SSPN: variants seen among roughly 807,000 people sequenced by gnomAD.
SSPN encodes K-ras oncogene-associated protein.
Under a neutral mutation model 19.1 loss-of-function variants are expected in SSPN, and 15 were observed. The ratio of observed to expected loss-of-function variants is 0.78; its 90% CI spans 0.52 to 1.21. SSPN has a LOEUF of 1.21. Ranked by LOEUF, SSPN falls within the 50% of genes most tolerant of loss-of-function variation. The pLI, the probability that SSPN is intolerant of heterozygous loss-of-function variation, is 0.00. For synonymous variants in SSPN, 147 were observed against 140.3 expected, an observed-to-expected ratio of 1.05 and a Z score of -0.34; for missense variants, 291 against 314.0, an observed-to-expected ratio of 0.93 and a Z score of 0.55.
chr12:26,127,555 T>C (rs1342985527), intron 1 of SSPN, among the ~76,000 whole-genome samples: 4 of 152,196 alleles, frequency 2.6e-5, no homozygotes, highest in Non-Finnish European at 5.9e-5. Flanking sequence ...TCCTTTGTTG[T>C]TCTTGATCCC....
intron 1 of SSPN, among the ~76,000 whole-genome samples, chr12:26,209,823 TGTGTG>T (rs1944966489): frequency 6.6e-6 from 1 of 151,112 alleles, no homozygotes; most frequent in African/African-American, 2.5e-5. Flanking sequence ...TGTGTGTGTG[TGTGTG>T]TGTGTGTGTG....
intron 1 of SSPN, among the ~76,000 whole-genome samples, chr12:26,166,586 T>G (rs1429510184): frequency 6.6e-6 from 1 of 152,362 alleles, no homozygotes; most frequent in South Asian, 2.1e-4. Context: ...CGTTTTTAAA[T>G]GGTTGAAATA....
intron 1 of SSPN, chr12:26,124,195 T>A (rs763235651): frequency 1.3e-6 from 2 of 1,517,080 alleles, no homozygotes; most frequent in Non-Finnish European, 1.8e-6. Context: ...TATATGAGAG[T>A]CATGGAAAAG....
chr12:26,142,334 T>C (rs972589578), intron 1 of SSPN, among the ~76,000 whole-genome samples: 3 of 152,086 alleles, frequency 2.0e-5, no homozygotes, highest in African/African-American at 7.2e-5. Context: ...ATTTTCAAGA[T>C]GAAAGGTTGT....
At chr12:26,160,353 T>A (rs1006277476) in intron 1 of SSPN, among the ~76,000 whole-genome samples, 5 of 152,282 alleles carry the variant, frequency 3.3e-5, no homozygotes, top group African/African-American at 1.2e-4. Flanking sequence ...TGCTCTTAAA[T>A]GGGCTTCCAA....
intron 1 of SSPN, among the ~76,000 whole-genome samples, chr12:26,171,608 T>C (rs1944653814): frequency 7.8e-6 from 1 of 128,024 alleles, no homozygotes; most frequent in African/African-American, 3.5e-5. Flanking sequence ...TTTAGAATAA[T>C]GCCCCTGTTT....
At chr12:26,152,878 A>G (rs1229635326) in intron 1 of SSPN, among the ~76,000 whole-genome samples, 2 of 152,084 alleles carry the variant, frequency 1.3e-5, no homozygotes, top group African/African-American at 2.4e-5. Context: ...TTCCAACTTC[A>G]TCTTGCCATT....
In SSPN at chr12:26,165,548, C is replaced by T. The variant is rs190545976; in HGVS notation, c.-31+43396C>T. 1.1e-3 allele frequency among the ~76,000 whole-genome samples: 160 copies of T among 152,290 alleles called. 1 individual carries two copies. Among genetic ancestry groups the T allele is most frequent in the East Asian group, 1.4e-3 (7 of 5,184 alleles). On this transcript the variant is annotated intron_variant, in intron 1 of 2. Coordinates refer to the SSPN transcript ENST00000538142. The stretch of plus-strand genomic sequence containing the variant: ...GTTCAGTAATGAGTGGGATTAATTG[C>T]TATTGTGCCTCACACAGTGGCATGC...
Position 26,230,794 on chromosome 12 carries a change from C to T in SSPN, c.450C>T (p.Leu150=). The change falls in exon 3 of 3, where the codon CTC becomes CTT. Residue 150 remains leucine, a synonymous_variant. Coordinates refer to ENST00000242729, the MANE Select transcript of SSPN (RefSeq NM_005086.5). ...TTGCCGCCCACCACTATTCGCAGCT[C>T]ACACAGTTTACCTGTGAGACCACAC... ...VAFAAHHYSQ[L]TQFTCETTLD... is the part of the protein sequence containing the mutation. 1 of 1,614,260 alleles carries T rather than the reference C, an allele frequency of 6.2e-7. No individual in the cohort carries two copies. The highest frequency in any genetic ancestry group is 8.5e-7 in the Non-Finnish European group (1 of 1,180,052).
chr12:26,219,375 C>T (rs1691136574), intron 1 of SSPN, among the ~76,000 whole-genome samples: 1 of 152,118 alleles, frequency 6.6e-6, no homozygotes, highest in African/African-American at 2.4e-5. Flanking sequence ...CCAGTATCTA[C>T]CTTTTATTCA....
chr12:26,164,047 G>A (rs1944605905), intron 1 of SSPN, among the ~76,000 whole-genome samples: 1 of 152,312 alleles, frequency 6.6e-6, no homozygotes, highest in Non-Finnish European at 1.5e-5. Context: ...GCACATTAAT[G>A]TAGTTAATCT....
chr12:26,171,965 C>T lies in SSPN; in HGVS notation c.-31+49813C>T, dbSNP rs1036422063. Among the ~76,000 whole-genome samples, 8 of 152,334 alleles carry T rather than the reference C, an allele frequency of 5.3e-5. No individual in the cohort carries two copies. The South Asian group carries it at 6.2e-4, about 12-fold the overall frequency. ...AAACATGCCAACCTTAATTTTCTCA[C>T]TGATAGCAGTGAGAGGATAGTAGCA... On this transcript the variant is annotated intron_variant, in intron 1 of 2. Transcript: ENST00000538142.
At chr12:26,137,611 CAT>C (rs1390211807) in intron 1 of SSPN, among the ~76,000 whole-genome samples, 4 of 114,964 alleles carry the variant, frequency 3.5e-5, no homozygotes, top group East Asian at 5.2e-4. Flanking sequence ...TACACATATA[CAT>C]ATATATGTGT....
chr12:26,204,982 G>A (rs1335337455), intron 1 of SSPN, among the ~76,000 whole-genome samples: 2 of 152,146 alleles, frequency 1.3e-5, no homozygotes, highest in East Asian at 1.9e-4. Context: ...CTAGAGCCAC[G>A]GTCCCTAATT....
chr12:26,137,600 A>T (rs1944432988), intron 1 of SSPN, among the ~76,000 whole-genome samples: 1 of 144,916 alleles, frequency 6.9e-6, no homozygotes, highest in African/African-American at 2.6e-5. Context: ...GAATATATAT[A>T]TACACATATA....
At chr12:26,123,288 T>TGGGG in intron 1 of SSPN, 22 of 1,310,612 alleles carry the variant, frequency 1.7e-5, no homozygotes, top group Admixed American at 2.8e-5. Context: ...TCTCGGTTTT[T>TGGGG]CCCCAGTATT....
intron 1 of SSPN, among the ~76,000 whole-genome samples, chr12:26,141,989 C>T (rs1019547243): frequency 1.3e-5 from 2 of 152,102 alleles, no homozygotes; most frequent in African/African-American, 2.4e-5. Flanking sequence ...TTGGGCACAA[C>T]CTTGAAGAGA....
intron 1 of SSPN, among the ~76,000 whole-genome samples, chr12:26,163,088 G>A (rs914611366): frequency 3.3e-5 from 5 of 150,398 alleles, no homozygotes; most frequent in Admixed American, 2.7e-4. Flanking sequence ...TGCTAATGAA[G>A]AGAACAAGAA....
intron 1 of SSPN, chr12:26,123,720 C>T (rs769121700): frequency 6.2e-7 from 1 of 1,613,906 alleles, no homozygotes; most frequent in Admixed American, 1.7e-5. Flanking sequence ...AAGACTACAG[C>T]TTTCTCCAGA....
Sources: allele counts gnomAD v4.1 joint callset (sites outside exome capture counted in the v4.1 genomes callset), GRCh38; gene constraint gnomAD v4.1.1; transcripts MANE v1.5; gene names NCBI Gene and HGNC (gene_info 2026-07-23, HGNC 2026-07-21).